The following PARD3B variants were observed in gnomAD, a reference collection of about 807,000 sequenced individuals.
PARD3B encodes partitioning defective 3 homolog B.
PARD3B carries 103 observed loss-of-function variants against 130.2 expected under a neutral mutation model. The observed-to-expected ratio is 0.79, with a 90% CI of 0.67 to 0.93. The LOEUF (loss-of-function observed/expected upper bound fraction) is 0.93, where lower values mean the gene tolerates loss of function less well. PARD3B is among the 40% of genes least tolerant of loss of function. The probability of loss-of-function intolerance (pLI) is 0.00; values close to 1 mark genes in which losing one functional copy is unlikely to be tolerated. For synonymous variants in PARD3B, 583 were observed against 553.2 expected (o/e 1.05, Z -0.76); for missense variants, 1,609 against 1,499.2 (o/e 1.07, Z -1.21).
Position 204,561,594 on chromosome 2 carries a change from A to ATTTT in PARD3B, c.120+15490_120+15493dup, listed in dbSNP as rs549784375. ...AGCCCTATGTACTCATCTCCCTTGT[A>ATTTT]TTTTTTTTTTTTTTTTTTGAGATGG... On this transcript the variant is annotated intron_variant, in intron 1 of 22. Transcript: ENST00000406610. Among the ~76,000 whole-genome samples the ATTTT allele has an allele frequency of 8.0e-3, 999 of 124,946 alleles. 14 individuals carry two copies. The highest frequency in any genetic ancestry group is 0.029 in the African/African-American group (969 of 33,856). 82.0% of individuals were successfully genotyped at this position (124,946 alleles called of 152,430 possible).
intron 1 of PARD3B, among the ~76,000 whole-genome samples, chr2:204,551,257 C>T (rs2030436159): frequency 6.6e-6 from 1 of 152,136 alleles, no homozygotes; most frequent in African/African-American, 2.4e-5. Flanking sequence ...ACTCCAGATT[C>T]CTATCTTCTT....
chr2:204,764,715 C>CGT (rs10522212), intron 2 of PARD3B, among the ~76,000 whole-genome samples: 15,556 of 145,672 alleles, frequency 0.11, 846 homozygotes, highest in African/African-American at 0.14. Flanking sequence ...GGCATGCATG[C>CGT]GTGTGTGTGT....
At chr2:205,005,576 T>C (rs1322800938) in intron 3 of PARD3B, among the ~76,000 whole-genome samples, 2 of 152,188 alleles carry the variant, frequency 1.3e-5, no homozygotes, top group African/African-American at 4.8e-5. Context: ...TGTATACTTT[T>C]ATTGATAAAA....
intron 16 of PARD3B, among the ~76,000 whole-genome samples, chr2:205,246,676 G>C (rs552872413): frequency 1.1e-3 from 162 of 152,186 alleles, no homozygotes; most frequent in Non-Finnish European, 1.4e-3. Flanking sequence ...AGTGTCTCCC[G>C]TGTTTGTGTG....
rs960123160 is a variant in PARD3B at position 205,421,999 on chromosome 2, A to G, written c.2742-18371A>G. 5.3e-5 allele frequency among the ~76,000 whole-genome samples: 8 copies of G among 152,216 alleles called. No homozygotes were observed. Among genetic ancestry groups the G allele is most frequent in the African/African-American group, 1.9e-4 (8 of 41,450 alleles). ...GATATTGGAGTTCTATCAATAGACA[A>G]GTCAAACAAGGACGCTGCTTCCATG... On this transcript the variant is annotated intron_variant, in intron 19 of 22. Transcript: ENST00000406610. The surrounding 1 kb of genome is among the most constrained non-coding windows in gnomAD (Gnocchi z 5.1).
intron 1 of PARD3B, among the ~76,000 whole-genome samples, chr2:204,651,690 A>G (rs1025905450): frequency 2.0e-5 from 3 of 152,110 alleles, no homozygotes; most frequent in Non-Finnish European, 4.4e-5. Context: ...GGGGGCTCCA[A>G]TCCTACATTT....
Position 204,606,317 on chromosome 2 carries a change from T to C in PARD3B, c.120+60198T>C, listed in dbSNP as rs2033722182. Among the ~76,000 whole-genome samples the C allele has an allele frequency of 6.6e-6, 1 of 152,154 alleles. No homozygotes were observed. The highest frequency in any genetic ancestry group is 2.1e-4 in the South Asian group (1 of 4,834). ...GGAAACCTCAGTGGCTTTAGTACTT[T>C]TTAGTACTAAGAGGACTACTTTTTT... On this transcript the variant is annotated intron_variant, in intron 1 of 22. Coordinates refer to ENST00000406610, the MANE Select transcript of PARD3B (RefSeq NM_001302769.2). This position sits in a 1 kb window ranked among gnomAD's most constrained non-coding sequence, Gnocchi z 4.0.
intron 2 of PARD3B, among the ~76,000 whole-genome samples, chr2:204,849,620 T>C (rs2125603091): frequency 6.6e-6 from 1 of 152,334 alleles, no homozygotes; most frequent in East Asian, 1.9e-4. Context: ...GACTGCATTT[T>C]CATACATTAG....
intron 21 of PARD3B, among the ~76,000 whole-genome samples, chr2:205,528,312 G>A (rs568233171): frequency 2.0e-4 from 30 of 152,230 alleles, no homozygotes; most frequent in South Asian, 1.9e-3. Flanking sequence ...TGAGCCCTAC[G>A]TTGTGCCCAA....
chr2:205,559,728 A>T (rs902085965), intron 22 of PARD3B, among the ~76,000 whole-genome samples: 15 of 151,552 alleles, frequency 9.9e-5, no homozygotes, highest in Admixed American at 9.2e-4. Context: ...CCTCCCAAGT[A>T]GCTAGGATTA....
Position 205,421,463 on chromosome 2 carries a change from C to G in PARD3B, c.2742-18907C>G, listed in dbSNP as rs913740384. Among the ~76,000 whole-genome samples, 3 of 152,106 alleles carry G rather than the reference C, an allele frequency of 2.0e-5. No individual in the cohort carries two copies. Among genetic ancestry groups the G allele is most frequent in the African/African-American group, 7.2e-5 (3 of 41,424 alleles). ...TCAAGACACACAGTAGAAAAGCTGC[C>G]AGAATTTGTTTTTTCTCTTCATATG... On this transcript the variant is annotated intron_variant, in intron 19 of 22. Transcript: ENST00000406610. The surrounding 1 kb of genome is among the most constrained non-coding windows in gnomAD (Gnocchi z 5.1).
chr2:204,918,874 A>ATT (rs769028879), intron 2 of PARD3B, among the ~76,000 whole-genome samples: 1 of 140,514 alleles, frequency 7.1e-6, no homozygotes, highest in Non-Finnish European at 1.6e-5. Flanking sequence ...GTTTCTGGTG[A>ATT]TTTTTTTTTT....
At position 205,569,012 on chromosome 2, in the gene PARD3B, T is replaced by A. The variant is rs1173467634; in HGVS notation, c.3260+15609T>A. On this transcript the variant is annotated intron_variant, in intron 22 of 22. Coordinates refer to ENST00000406610, the MANE Select transcript of PARD3B (RefSeq NM_001302769.2). Reference sequence around the variant, plus strand: ...ATTGCCAGATTGACCTCCAAAAAGGTTGTACCAATTTACACCCCCACCAGC... The same window carrying A: ...ATTGCCAGATTGACCTCCAAAAAGGATGTACCAATTTACACCCCCACCAGC... 2.6e-5 allele frequency among the ~76,000 whole-genome samples: 4 copies of A among 152,280 alleles called. No homozygotes were observed. The East Asian group carries it at 7.7e-4, about 29-fold the overall frequency.
intron 18 of PARD3B, among the ~76,000 whole-genome samples, chr2:205,361,486 T>A (rs1163848356): frequency 1.3e-5 from 2 of 152,168 alleles, no homozygotes; most frequent in Admixed American, 6.5e-5. Context: ...CTTTTATAGC[T>A]CTGAGCAGAA....
chr2:205,607,404 A>G (rs1575474366), intron 22 of PARD3B, among the ~76,000 whole-genome samples: 1 of 152,240 alleles, frequency 6.6e-6, no homozygotes. Context: ...GTGGTCAGGC[A>G]TGCAGCCTCT....
In PARD3B at chr2:205,558,766, C is replaced by G. The variant is rs1227548413; in HGVS notation, c.3260+5363C>G. 6.6e-6 allele frequency among the ~76,000 whole-genome samples: 1 copy of G among 152,118 alleles called. No homozygotes were observed. Among genetic ancestry groups the G allele is most frequent in the Non-Finnish European group, 1.5e-5 (1 of 68,024 alleles). On this transcript the variant is annotated intron_variant, in intron 22 of 22. Coordinates refer to ENST00000406610, the MANE Select transcript of PARD3B (RefSeq NM_001302769.2). This position sits in a 1 kb window ranked among gnomAD's most constrained non-coding sequence, Gnocchi z 4.8. ...ACATTCATGTCCCACTCTTGTGACC[C>G]CGTTTGATATACTCCTCCTTCTGCC...
At position 205,118,971 on chromosome 2, in the gene PARD3B, G is replaced by T; in HGVS notation, c.731G>T (p.Arg244Leu). 6.2e-7 allele frequency: 1 copy of T among 1,612,054 alleles called. No homozygotes were observed. ...RGIEDNSRSK[R>L]EGLFHENECI... ...ATTGAAGACAACAGCAGGTCCAAGC[G>T]GGAGGGACTATTTCACGAAAATGAA... Residue 244 changes from arginine (R) to leucine (L), a missense_variant, in exon 7 of 23, where the codon CGG becomes CTG. Coordinates refer to ENST00000406610, the MANE Select transcript of PARD3B (RefSeq NM_001302769.2).
chr2:205,061,721 AT>A (rs993092607), intron 4 of PARD3B, among the ~76,000 whole-genome samples: 1 of 151,736 alleles, frequency 6.6e-6, no homozygotes, highest in Non-Finnish European at 1.5e-5. Flanking sequence ...AAAAATATTG[AT>A]TCCAAAGTCG....
chr2:204,590,019 G>T lies in PARD3B; in HGVS notation c.120+43900G>T, dbSNP rs761695066. On this transcript the variant is annotated intron_variant, in intron 1 of 22. Transcript: ENST00000406610. The stretch of plus-strand genomic sequence containing the variant: ...ATATTTCCCACATATGAAATGGGAA[G>T]GATAATGGGTTTCTGCTTAGAGGGT... 3.9e-5 allele frequency among the ~76,000 whole-genome samples: 6 copies of T among 152,160 alleles called. No homozygotes were observed. The South Asian group carries it at 8.3e-4, about 21-fold the overall frequency.
Sources: allele counts gnomAD v4.1 joint callset (sites outside exome capture counted in the v4.1 genomes callset), GRCh38; gene constraint gnomAD v4.1.1; non-coding constraint Gnocchi (gnomAD v3.1); transcripts MANE v1.5; gene names NCBI Gene and HGNC (gene_info 2026-07-23, HGNC 2026-07-21).